The following FAT3 variants were observed in gnomAD, a reference collection of about 807,000 sequenced individuals.
FAT3 encodes the protein protocadherin Fat 3.
FAT3 carries 95 observed loss-of-function variants against 310.2 expected under a neutral mutation model. That is an observed-to-expected ratio of 0.31 (90% CI 0.26 to 0.36). The LOEUF is 0.36. Ranked by LOEUF, FAT3 falls within the 10% of genes least tolerant of loss-of-function variation. FAT3 has a pLI of 1.00. For missense variants in FAT3, 5,408 were observed against 5,715.6 expected, an observed-to-expected ratio of 0.95 and a Z score of 1.74; for synonymous variants, 2,314 against 2,192.9, an observed-to-expected ratio of 1.06 and a Z score of -1.54.
intron 4 of FAT3, among the ~76,000 whole-genome samples, chr11:92,739,554 A>G (rs149050924): frequency 3.4e-3 from 516 of 152,312 alleles, no homozygotes; most frequent in Non-Finnish European, 5.0e-3. Flanking sequence ...AACATTCTCT[A>G]CATATTTTGG....
chr11:92,519,502 A>G (rs927041226), intron 2 of FAT3, among the ~76,000 whole-genome samples: 1 of 152,104 alleles, frequency 6.6e-6, no homozygotes, highest in Non-Finnish European at 1.5e-5. Context: ...ATACCAAAAC[A>G]TGACCTATAA....
At chr11:92,248,515 G>A (rs767070970) in intron 1 of FAT3, among the ~76,000 whole-genome samples, 13 of 152,084 alleles carry the variant, frequency 8.5e-5, no homozygotes, top group Non-Finnish European at 1.8e-4. Flanking sequence ...GAAAGTTTAC[G>A]CTTTGACTAA....
At chr11:92,427,898 G>T (rs1489947063) in intron 2 of FAT3, among the ~76,000 whole-genome samples, 4 of 152,046 alleles carry the variant, frequency 2.6e-5, no homozygotes, top group African/African-American at 9.7e-5. Flanking sequence ...GAGTTAGGGA[G>T]GAGTTTCTTC....
chr11:92,810,580 C>T (rs1368690504), intron 13 of FAT3, among the ~76,000 whole-genome samples: 2 of 152,058 alleles, frequency 1.3e-5, no homozygotes, highest in African/African-American at 2.4e-5. Flanking sequence ...GCCAGTCCAA[C>T]GTGGATTTTT....
intron 2 of FAT3, among the ~76,000 whole-genome samples, chr11:92,443,579 A>G (rs2135087950): frequency 6.6e-6 from 1 of 152,344 alleles, no homozygotes; most frequent in Middle Eastern, 3.4e-3. Flanking sequence ...TAATTTTTTA[A>G]GTCGCCAAGA....
At chr11:92,439,984 C>G (rs1447980671) in intron 2 of FAT3, among the ~76,000 whole-genome samples, 1 of 151,460 alleles carries the variant, frequency 6.6e-6, no homozygotes, top group East Asian at 1.9e-4. Context: ...CAAAGTGAAG[C>G]CTGCTATTAA....
At chr11:92,618,403 G>A (rs1940921936) in intron 3 of FAT3, among the ~76,000 whole-genome samples, 1 of 152,172 alleles carries the variant, frequency 6.6e-6, no homozygotes, top group South Asian at 2.1e-4. Context: ...GCTAGGAAAG[G>A]GAATTCCCTG....
intron 3 of FAT3, among the ~76,000 whole-genome samples, chr11:92,693,169 T>C (rs1943844155): frequency 6.6e-6 from 1 of 152,178 alleles, no homozygotes; most frequent in Non-Finnish European, 1.5e-5. Context: ...CACCTCCTTA[T>C]TGAGTATCAT....
chr11:92,420,072 C>T (rs934840041), intron 2 of FAT3, among the ~76,000 whole-genome samples: 12 of 152,120 alleles, frequency 7.9e-5, no homozygotes, highest in Non-Finnish European at 1.6e-4. Context: ...TAAAGCCTGC[C>T]GGCTGGCTGC....
At chr11:92,421,589 C>T (rs564800433) in intron 2 of FAT3, among the ~76,000 whole-genome samples, 2 of 152,310 alleles carry the variant, frequency 1.3e-5, no homozygotes, top group East Asian at 3.9e-4. Context: ...AGAGATCTTA[C>T]ATTTTTGTCT....
intron 9 of FAT3, among the ~76,000 whole-genome samples, chr11:92,793,314 G>A (rs1026201835): frequency 7.9e-5 from 12 of 152,028 alleles, no homozygotes; most frequent in Non-Finnish European, 1.3e-4. Flanking sequence ...AACAAAAGCC[G>A]CCCGCCGATC....
intron 2 of FAT3, among the ~76,000 whole-genome samples, chr11:92,493,486 G>T (rs182815528): frequency 6.6e-6 from 1 of 152,152 alleles, no homozygotes; most frequent in East Asian, 1.9e-4. Context: ...CACCTGCACG[G>T]CTTGCTGTGC....
At chr11:92,701,338 G>A (rs912687897) in intron 4 of FAT3, among the ~76,000 whole-genome samples, 4 of 152,188 alleles carry the variant, frequency 2.6e-5, no homozygotes, top group African/African-American at 9.6e-5. Context: ...ATTGGTTTAA[G>A]ATATTTAGCT....
chr11:92,479,224 T>C (rs1952149087), intron 2 of FAT3, among the ~76,000 whole-genome samples: 1 of 150,848 alleles, frequency 6.6e-6, no homozygotes, highest in South Asian at 2.1e-4. Context: ...TTGTTCAGGC[T>C]GGTCTCGAAC....
In FAT3 at chr11:92,370,100, T is replaced by C. The variant is rs145526484; in HGVS notation, c.3292+14696T>C. On this transcript the variant is annotated intron_variant, in intron 2 of 27. Coordinates refer to ENST00000525166, the MANE Select transcript of FAT3 (RefSeq NM_001367949.2). The stretch of plus-strand genomic sequence containing the variant: ...AGACTCATTCTCCATATTCTAAAAG[T>C]GTAACTTGAGGGATTTCCCTAAATT... 2.8e-3 allele frequency among the ~76,000 whole-genome samples: 431 copies of C among 152,284 alleles called. 1 individual carries two copies. The highest frequency in any genetic ancestry group is 9.7e-3 in the African/African-American group (403 of 41,550).
intron 6 of FAT3, 98 bp downstream of exon 6, chr11:92,765,187 T>C: frequency 9.7e-7 from 1 of 1,032,778 alleles, no homozygotes. Flanking sequence ...AAACTAACAA[T>C]TAGTGCCAAG....
At chr11:92,379,205 G>A (rs531450728) in intron 2 of FAT3, among the ~76,000 whole-genome samples, 9 of 152,170 alleles carry the variant, frequency 5.9e-5, no homozygotes, top group African/African-American at 2.2e-4. Context: ...GTGATTTTGT[G>A]CTTTATAATA....
intron 2 of FAT3, among the ~76,000 whole-genome samples, chr11:92,422,528 C>G (rs1950552861): frequency 2.0e-5 from 3 of 152,022 alleles, no homozygotes. Flanking sequence ...GGTTAAAGGG[C>G]CTTTGAAGAG....
chr11:92,656,627 C>G (rs920916363), intron 3 of FAT3, among the ~76,000 whole-genome samples: 6 of 152,130 alleles, frequency 3.9e-5, no homozygotes, highest in Non-Finnish European at 5.9e-5. Flanking sequence ...TTTAAATTTA[C>G]TTTCTAATTC....
Sources: allele counts gnomAD v4.1 joint callset (sites outside exome capture counted in the v4.1 genomes callset), GRCh38; gene constraint gnomAD v4.1.1; transcripts MANE v1.5; gene names NCBI Gene and HGNC (gene_info 2026-07-23, HGNC 2026-07-21).